AGK: variants seen among roughly 807,000 people sequenced by gnomAD.
AGK encodes the protein acylglycerol kinase, mitochondrial.
Under a neutral mutation model 66.4 loss-of-function variants are expected in AGK, and 52 were observed. The ratio of observed to expected loss-of-function variants is 0.78; its 90% confidence interval spans 0.63 to 0.99. The LOEUF (loss-of-function observed/expected upper bound fraction) is 0.99, where lower values mean the gene tolerates loss of function less well. Among genes scored for constraint, AGK ranks in the 50% least tolerant of loss-of-function variants. The probability of loss-of-function intolerance (pLI) is 0.00; values close to 1 mark genes in which losing one functional copy is unlikely to be tolerated. For missense variants in AGK, 451 were observed against 506.6 expected (o/e 0.89, Z 1.05); for synonymous variants, 182 against 181.1 (o/e 1.00, Z -0.04).
chr7:141,590,120 T>G (rs1309565997), intron 2 of AGK, among the ~76,000 whole-genome samples: 1 of 152,132 alleles, frequency 6.6e-6, no homozygotes, highest in African/African-American at 2.4e-5. Flanking sequence ...AACAAAGAAC[T>G]TAGGGAAAAA....
chr7:141,584,259 G>C lies in AGK; in HGVS notation c.102-8887G>C, dbSNP rs573934967. On this transcript the variant is annotated intron_variant, in intron 2 of 15. Coordinates refer to ENST00000649286, the MANE Select transcript of AGK (RefSeq NM_018238.4). ...GGGTGAGGGTCACAAGGTGTTCAGT[G>C]GGGGAGCTTTTGAGCCAAGATGAGC... Among the ~76,000 whole-genome samples, 8 of 152,198 alleles carry C rather than the reference G, an allele frequency of 5.3e-5. No individual in the cohort carries two copies. The South Asian group carries it at 1.7e-3, about 32-fold the overall frequency.
intron 7 of AGK, 38 bp from the exon 8 acceptor site, chr7:141,615,433 T>G: frequency 6.4e-7 from 1 of 1,560,616 alleles, no homozygotes; most frequent in Non-Finnish European, 8.8e-7. Flanking sequence ...GATTTTCTGA[T>G]CATAACAATA....
chr7:141,597,545 C>T (rs1432594522), intron 4 of AGK, among the ~76,000 whole-genome samples: 4 of 151,790 alleles, frequency 2.6e-5, no homozygotes, highest in South Asian at 4.2e-4. Flanking sequence ...TCCCTAATGT[C>T]GAGAACAATT....
chr7:141,593,298 T>G, intron 3 of AGK, 113 bp downstream of exon 3: 1 of 939,608 alleles, frequency 1.1e-6, no homozygotes, highest in Non-Finnish European at 1.7e-6. Context: ...GTCTGGCTAT[T>G]TTTTAGCACT....
At chr7:141,628,577 A>C (rs1266834631) in intron 9 of AGK, among the ~76,000 whole-genome samples, 1 of 152,238 alleles carries the variant, frequency 6.6e-6, no homozygotes, top group Non-Finnish European at 1.5e-5. Context: ...TAGTTCTTGG[A>C]AACAATAATG....
At chr7:141,637,972 C>T (rs189038044) in intron 11 of AGK, among the ~76,000 whole-genome samples, 3 of 152,238 alleles carry the variant, frequency 2.0e-5, no homozygotes, top group African/African-American at 4.8e-5. Context: ...TTAGTAAAAT[C>T]GGTTATTCCT....
intron 9 of AGK, among the ~76,000 whole-genome samples, chr7:141,630,073 T>G (rs1419116016): frequency 2.0e-5 from 3 of 152,200 alleles, no homozygotes; most frequent in Non-Finnish European, 4.4e-5. Flanking sequence ...TATTTTCCAA[T>G]TTATTTCACC....
intron 11 of AGK, 34 bp from the exon 12 acceptor site, chr7:141,641,214 G>A (rs1797279523): frequency 1.3e-6 from 2 of 1,592,916 alleles, no homozygotes; most frequent in Non-Finnish European, 1.7e-6. Flanking sequence ...AATTGTACAT[G>A]CATAACAAAA....
chr7:141,574,847 A>G (rs996963465), intron 2 of AGK, among the ~76,000 whole-genome samples: 2 of 152,220 alleles, frequency 1.3e-5, no homozygotes, highest in East Asian at 1.9e-4. Flanking sequence ...TGGGATTTCT[A>G]TACTTTATTT....
At chr7:141,630,219 C>T (rs1431558510) in intron 9 of AGK, among the ~76,000 whole-genome samples, 1 of 152,178 alleles carries the variant, frequency 6.6e-6, no homozygotes, top group East Asian at 1.9e-4. Context: ...ACTAGAATCA[C>T]TTTCTTCTCT....
intron 12 of AGK, among the ~76,000 whole-genome samples, 183 bp downstream of exon 12, chr7:141,641,581 C>A (rs900228664): frequency 2.6e-5 from 4 of 152,188 alleles, no homozygotes; most frequent in Admixed American, 2.6e-4. Context: ...ATGGGCATAG[C>A]AGTCTCTGTG....
chr7:141,639,863 GAACTT>G (rs1797250144), intron 11 of AGK, among the ~76,000 whole-genome samples: 1 of 152,116 alleles, frequency 6.6e-6, no homozygotes, highest in Non-Finnish European at 1.5e-5. Flanking sequence ...AAGAGTACAG[GAACTT>G]AATGACAAGG....
chr7:141,592,707 T>G (rs1001832058), intron 2 of AGK, among the ~76,000 whole-genome samples: 1 of 152,158 alleles, frequency 6.6e-6, no homozygotes, highest in Admixed American at 6.5e-5. Context: ...TTTGTTTTTT[T>G]GTTTTTTGTT....
At chr7:141,562,158 T>C (rs1352592797) in intron 2 of AGK, 1 of 454,636 alleles carries the variant, frequency 2.2e-6, no homozygotes, top group African/African-American at 2.0e-5. Flanking sequence ...AGCGGTGAAG[T>C]TGTCACATGG....
chr7:141,637,550 A>T (rs1318496851), intron 11 of AGK, among the ~76,000 whole-genome samples: 2 of 152,184 alleles, frequency 1.3e-5, no homozygotes, highest in African/African-American at 4.8e-5. Flanking sequence ...TGATACAATA[A>T]AAAATACTGG....
rs1450472628 is a variant in AGK at position 141,641,319 on chromosome 7, G to A, written c.798G>A (p.Glu266=). The A allele has an allele frequency of 2.5e-6, 4 of 1,613,914 alleles. No homozygotes were observed. In the East Asian group the frequency reaches 6.7e-5, roughly 27 times the overall value. ...CAGAGAGACCTCCCAATGAACCAGA[G>A]GAGACCCCTGTACAAAGGCCTTCTT... ...GPTERPPNEP[E]ETPVQRPSLY... The change falls in exon 12 of 16, where the codon GAG becomes GAA. Residue 266 remains glutamate (E), a synonymous_variant. Coordinates refer to ENST00000649286, the MANE Select transcript of AGK (RefSeq NM_018238.4).
chr7:141,554,374 G>A (rs995181480), intron 1 of AGK, among the ~76,000 whole-genome samples: 2 of 149,684 alleles, frequency 1.3e-5, no homozygotes, highest in African/African-American at 4.9e-5. Context: ...TTGTTTAATT[G>A]TATTGGTTTT....
At chr7:141,570,540 G>A (rs1795579031) in intron 2 of AGK, among the ~76,000 whole-genome samples, 1 of 151,514 alleles carries the variant, frequency 6.6e-6, no homozygotes, top group Non-Finnish European at 1.5e-5. Flanking sequence ...AAAAATTAGA[G>A]AATAGTATAA....
In AGK at chr7:141,555,322, G is replaced by A; in HGVS notation, c.-14-131G>A. The A allele has an allele frequency of 1.7e-6, 1 of 578,520 alleles. No homozygotes were observed. Among genetic ancestry groups the A allele is most frequent in the Non-Finnish European group, 3.0e-6 (1 of 335,654 alleles). 35.8% of individuals were successfully genotyped at this position (578,520 alleles called of 1,614,324 possible). ...GCTGAGGCCAGAGGAGAAGTGGTAA[G>A]GAGGAAGAGGAGTGAGTGGGAAAAA... On this transcript the variant is annotated intron_variant, in intron 1 of 15. Transcript: ENST00000649286. The surrounding 1 kb of genome is among the most constrained non-coding windows in gnomAD (Gnocchi z 4.2).
Sources: gnomAD v4.1 joint callset for allele counts (sites outside exome capture counted in the v4.1 genomes callset) on GRCh38, gnomAD v4.1.1 for gene constraint, Gnocchi (gnomAD v3.1) non-coding constraint, MANE v1.5 for transcripts, NCBI Gene and HGNC (gene_info 2026-07-23, HGNC 2026-07-21) for gene names.